Variants in RUFY3 observed in about 807,000 individuals in gnomAD.
RUFY3 encodes protein RUFY3.
Under a neutral mutation model 84.0 loss-of-function variants are expected in RUFY3, and 34 were observed. The observed-to-expected ratio is 0.40, with a 90% CI of 0.31 to 0.54. RUFY3 has a LOEUF of 0.54. RUFY3 is among the 20% of genes least tolerant of loss of function. The pLI, the probability that RUFY3 is intolerant of heterozygous loss-of-function variation, is 0.39. For synonymous variants in RUFY3, 242 were observed against 252.9 expected, an observed-to-expected ratio of 0.96 and a Z score of 0.41; for missense variants, 507 against 736.8, an observed-to-expected ratio of 0.69 and a Z score of 3.61.
rs1560511444 is a variant in RUFY3, at chr4:70,762,698, C to G, written c.352+6C>G. 1 of 1,604,502 alleles carries G rather than the reference C, an allele frequency of 6.2e-7. No homozygotes were observed. Among genetic ancestry groups the G allele is most frequent in the South Asian group, 1.1e-5 (1 of 90,394 alleles). On this transcript the variant is annotated splice_donor_region_variant and intron_variant, in intron 2 of 17. Coordinates refer to ENST00000381006, the MANE Select transcript of RUFY3 (RefSeq NM_001037442.4). ...TCTGAAACATGGCTTGAAAGGTAGG[C>G]CATCACCCCAAAATGCAAATATGCA...
intron 7 of RUFY3, among the ~76,000 whole-genome samples, chr4:70,777,784 GTATT>G (rs1728206603): frequency 6.6e-6 from 1 of 152,178 alleles, no homozygotes; most frequent in Non-Finnish European, 1.5e-5. Context: ...GTGCATGTAA[GTATT>G]TAATTCATAT....
At chr4:70,789,826 C>T in intron 12 of RUFY3, 1 of 1,161,782 alleles carries the variant, frequency 8.6e-7, no homozygotes, top group Non-Finnish European at 1.1e-6. Flanking sequence ...GAAAGGTCAG[C>T]CTTTTATGAC....
chr4:70,773,474 C>A, intron 5 of RUFY3, 37 bp from the exon 6 acceptor site: 1 of 1,474,552 alleles, frequency 6.8e-7, no homozygotes, highest in Non-Finnish European at 9.5e-7. Flanking sequence ...TAAAGAATAT[C>A]TAATTTTATA....
At chr4:70,756,777 A>G (rs1724092640) in intron 1 of RUFY3, among the ~76,000 whole-genome samples, 1 of 152,124 alleles carries the variant, frequency 6.6e-6, no homozygotes, top group South Asian at 2.1e-4. Context: ...TGTATATACC[A>G]TTGTTGGAGT....
rs142356920 is a variant in RUFY3, at chr4:70,751,152, G to A, written c.179-11367G>A. On this transcript the variant is annotated intron_variant, in intron 1 of 17. Transcript: ENST00000381006. The stretch of plus-strand genomic sequence containing the variant: ...ATACTGTGTGATGCTGAGATTTGGG[G>A]TATGATGGATCCTGTCACCCAGGTA... Among the ~76,000 whole-genome samples the A allele has an allele frequency of 2.7e-3, 408 of 152,222 alleles. 2 individuals carry two copies. The highest frequency in any genetic ancestry group is 9.6e-3 in the African/African-American group (398 of 41,530).
At chr4:70,711,480 T>C (rs1359571096) in intron 1 of RUFY3, among the ~76,000 whole-genome samples, 1 of 152,178 alleles carries the variant, frequency 6.6e-6, no homozygotes, top group East Asian at 1.9e-4. Flanking sequence ...AACACAGATT[T>C]TCGGTATTTT....
chr4:70,771,782 G>C (rs1727010058), intron 5 of RUFY3, among the ~76,000 whole-genome samples: 1 of 152,010 alleles, frequency 6.6e-6, no homozygotes, highest in Non-Finnish European at 1.5e-5. Context: ...CTCCTGCCTC[G>C]GCCTCCCAAA....
In RUFY3 at chr4:70,800,182, A is replaced by G. The variant is rs138128226; in HGVS notation, c.1599A>G (p.Lys533=). 1.2e-5 allele frequency: 20 copies of G among 1,607,002 alleles called. No homozygotes were observed. The African/African-American group carries it at 2.7e-4, about 22-fold the overall frequency. ...HKMQEENVKL[K]KPLEESHRLQ... is the part of the protein sequence containing the mutation. ...TGCAAGAGGAAAATGTTAAACTAAA[A>G]AAGCCCCTGGAAGAAAGCCACAGGT... The change falls in exon 15 of 18, where the codon AAA becomes AAG. Residue 533 remains lysine, a synonymous_variant. Coordinates refer to ENST00000381006, the MANE Select transcript of RUFY3 (RefSeq NM_001037442.4).
In RUFY3 at chr4:70,794,797, A is replaced by G. The variant is rs774373268; in HGVS notation, c.1460A>G (p.Asn487Ser). ...LEVEELTRQR[N>S]QLELELKQEK... ...TTTTCCTCTCCAACTTACCTCAGGA[A>G]CCAGCTTGAGTTAGAACTAAAACAG... is the stretch of plus-strand genomic sequence containing the variant. The change falls in exon 14 of 18, where the codon AAC becomes AGC. Residue 487 changes from asparagine (N) to serine (S), a missense_variant and splice_region_variant. Physicochemically the swap from Asn to Ser is conservative, Grantham distance 46. Transcript: ENST00000381006. The G allele has an allele frequency of 1.2e-6, 2 of 1,608,218 alleles. No homozygotes were observed. Among genetic ancestry groups the G allele is most frequent in the East Asian group, 4.5e-5 (2 of 44,814 alleles).
At chr4:70,806,370 G>C in intron 17 of RUFY3, 146 bp from the exon 18 acceptor site, 1 of 883,822 alleles carries the variant, frequency 1.1e-6, no homozygotes, top group Non-Finnish European at 1.7e-6. Context: ...GATTGGGCCT[G>C]TGTTCAGATA....
chr4:70,766,941 G>A (rs899659521), intron 4 of RUFY3, among the ~76,000 whole-genome samples: 3 of 152,038 alleles, frequency 2.0e-5, no homozygotes, highest in Non-Finnish European at 4.4e-5. Context: ...TGATTGTACT[G>A]TTGTTACCAG....
chr4:70,759,370 GTA>G (rs1325569016), intron 1 of RUFY3, among the ~76,000 whole-genome samples: 892 of 74,746 alleles, frequency 0.012, 11 homozygotes, highest in South Asian at 0.055. Flanking sequence ...GTGTGTGTGT[GTA>G]TGTGTGTGTG....
chr4:70,725,792 C>T (rs1270780731), intron 1 of RUFY3, among the ~76,000 whole-genome samples: 1 of 152,122 alleles, frequency 6.6e-6, no homozygotes, highest in African/African-American at 2.4e-5. Context: ...ATCACCAGAC[C>T]GACATAGGGA....
At chr4:70,720,210 C>G (rs1234655027), upstream of RUFY3, among the ~76,000 whole-genome samples, 3 of 152,058 alleles carry the variant, frequency 2.0e-5, no homozygotes, top group African/African-American at 4.8e-5. Context: ...CGCAACCATA[C>G]CTTGCTAATT....
chr4:70,730,916 G>A (rs981058834), intron 1 of RUFY3, among the ~76,000 whole-genome samples: 31 of 152,110 alleles, frequency 2.0e-4, no homozygotes, highest in African/African-American at 7.5e-4. Flanking sequence ...CTTCTTCCCA[G>A]TCTCTGATGA....
intron 15 of RUFY3, 78 bp from the exon 16 acceptor site, chr4:70,802,878 T>G: frequency 9.6e-7 from 1 of 1,040,086 alleles, no homozygotes; most frequent in East Asian, 2.4e-5. Context: ...GTTTGTATTC[T>G]GAGCTTTTTA....
chr4:70,749,347 A>G (rs899168987), intron 1 of RUFY3, among the ~76,000 whole-genome samples: 11 of 152,278 alleles, frequency 7.2e-5, no homozygotes, highest in Middle Eastern at 3.4e-3. Context: ...TGGGAGCCCA[A>G]TGAAGAAGAA....
intron 1 of RUFY3, among the ~76,000 whole-genome samples, chr4:70,750,459 C>T (rs552576544): frequency 1.3e-5 from 2 of 152,208 alleles, no homozygotes; most frequent in South Asian, 2.1e-4. Context: ...TTATTTGAAT[C>T]AAGAAACATA....
intron 4 of RUFY3, 33 bp from the exon 5 acceptor site, chr4:70,768,505 T>TA: frequency 6.2e-7 from 1 of 1,600,908 alleles, no homozygotes; most frequent in East Asian, 2.2e-5. Flanking sequence ...AGATTTTTGT[T>TA]ACAATAAGGA....
Sources: gnomAD v4.1 joint callset for allele counts (sites outside exome capture counted in the v4.1 genomes callset) on GRCh38, gnomAD v4.1.1 for gene constraint, MANE v1.5 for transcripts, NCBI Gene and HGNC (gene_info 2026-07-23, HGNC 2026-07-21) for gene names.